Variants in AARS1 observed in about 807,000 individuals in gnomAD.
The protein encoded by AARS1 is alanyl-tRNA synthetase 1.
In AARS1, 72 loss-of-function variants were observed where a neutral mutation model predicts 108.9. The observed-to-expected ratio is 0.66, with a 90% CI of 0.55 to 0.80. The LOEUF is 0.80. AARS1 is among the 30% of genes least tolerant of loss of function. The probability of loss-of-function intolerance (pLI) is 0.00; values close to 1 mark genes in which losing one functional copy is unlikely to be tolerated. For synonymous variants in AARS1, 489 were observed against 465.7 expected (o/e 1.05, Z -0.64); for missense variants, 1,193 against 1,233.2 (o/e 0.97, Z 0.49).
intron 4 of AARS1, among the ~76,000 whole-genome samples, chr16:70,273,474 T>C (rs1036577170): frequency 6.6e-6 from 1 of 152,050 alleles, no homozygotes; most frequent in African/African-American, 2.4e-5. Context: ...TCCCAGCAAT[T>C]TGAAAGGTCA....
rs868720668 is a variant in AARS1, at chr16:70,252,350, C to A, written c.*371G>T. 22 of 355,630 alleles carry A rather than the reference C, an allele frequency of 6.2e-5. 1 individual carries two copies. Among genetic ancestry groups the A allele is most frequent in the Admixed American group, 1.3e-4 (3 of 22,520 alleles). The allele number at this position is 355,630 out of a possible 1,614,324, so 22.0% of individuals were successfully genotyped here. On this transcript the variant is annotated 3_prime_UTR_variant, in exon 21 of 21. Coordinates refer to ENST00000261772, the MANE Select transcript of AARS1 (RefSeq NM_001605.3). ...CGCCAAAGGCTGTCAAAAGAGCCAGCCCCTATTGGGAAGAGGGATAGAGAT... is the reference window on the plus strand; with the variant it reads ...CGCCAAAGGCTGTCAAAAGAGCCAGACCCTATTGGGAAGAGGGATAGAGAT...
At chr16:70,279,874 C>A (rs529695302) in intron 2 of AARS1, among the ~76,000 whole-genome samples, 2 of 151,976 alleles carry the variant, frequency 1.3e-5, no homozygotes, top group East Asian at 1.9e-4. Flanking sequence ...AGGACTCACA[C>A]ATAACTGAAA....
intron 14 of AARS1, 146 bp downstream of exon 14, chr16:70,258,834 C>T (rs1055423178): frequency 1.3e-5 from 12 of 915,432 alleles, no homozygotes; most frequent in African/African-American, 1.1e-4. Context: ...GGATTACAGG[C>T]GTGAGCTACC....
intron 1 of AARS1, 35 bp downstream of exon 1, chr16:70,289,386 T>C (rs1420350308): frequency 2.7e-6 from 1 of 366,902 alleles, no homozygotes; most frequent in Non-Finnish European, 5.4e-6. Context: ...CCAGCCGCTC[T>C]CCTAGCACCG....
chr16:70,279,121 C>G (rs1450232232), intron 2 of AARS1, among the ~76,000 whole-genome samples: 1 of 150,434 alleles, frequency 6.6e-6, no homozygotes, highest in East Asian at 2.0e-4. Context: ...TGGGGCCGAA[C>G]CAGGCAGATC....
At chr16:70,262,571 T>A in intron 11 of AARS1, 47 bp from the exon 12 acceptor site, 2 of 1,552,044 alleles carry the variant, frequency 1.3e-6, no homozygotes, top group Non-Finnish European at 1.8e-6. Flanking sequence ...GTCAATGACC[T>A]TTTCACTCCT....
intron 13 of AARS1, among the ~76,000 whole-genome samples, chr16:70,260,788 G>A (rs1176778673): frequency 2.0e-5 from 3 of 151,896 alleles, no homozygotes; most frequent in Admixed American, 6.6e-5. Context: ...TCAGCCTCCC[G>A]AGTAGCTGGG....
Position 70,265,440 on chromosome 16 carries a change from C to T in AARS1, c.1347+98G>A. On this transcript the variant is annotated intron_variant, in intron 10 of 20. Transcript: ENST00000261772. The stretch of plus-strand genomic sequence containing the variant: ...CACTGATCTAGGGGAAAAAGCACTT[C>T]AAAGACTTTAATGGAAGGAAACTCA... The T allele has an allele frequency of 5.1e-6, 8 of 1,584,154 alleles. No homozygotes were observed. The South Asian group carries it at 8.9e-5, about 18-fold the overall frequency.
chr16:70,274,463 C>A (rs1161709509), intron 4 of AARS1, among the ~76,000 whole-genome samples: 1 of 151,120 alleles, frequency 6.6e-6, no homozygotes, highest in Non-Finnish European at 1.5e-5. Flanking sequence ...CGGTGGCTCA[C>A]ACCTGTAATC....
intron 6 of AARS1, 30 bp downstream of exon 6, chr16:70,270,166 A>G (rs1431131670): frequency 1.9e-6 from 3 of 1,613,860 alleles, no homozygotes; most frequent in Non-Finnish European, 2.5e-6. Flanking sequence ...ACTCCACAGA[A>G]GTTTACAATG....
intron 16 of AARS1, 49 bp downstream of exon 16, chr16:70,255,679 C>A (rs762731675): frequency 1.6e-5 from 24 of 1,534,902 alleles, no homozygotes; most frequent in Middle Eastern, 1.7e-4. Context: ...GCAGACTGGG[C>A]TCCTCTTGCC....
chr16:70,253,472 C>A, intron 19 of AARS1, 91 bp from the exon 20 acceptor site: 2 of 1,155,916 alleles, frequency 1.7e-6, no homozygotes, highest in South Asian at 2.6e-5. Context: ...CTGCCACCCA[C>A]CCCTACCCCT....
chr16:70,282,826 A>G (rs1960737689), intron 1 of AARS1, 42 bp from the exon 2 acceptor site: 4 of 1,587,806 alleles, frequency 2.5e-6, no homozygotes, highest in Non-Finnish European at 3.5e-6. Flanking sequence ...AAGGGAATTG[A>G]AAGTCAAAGT....
chr16:70,255,108 C>G (rs1372976550), intron 16 of AARS1, among the ~76,000 whole-genome samples: 1 of 152,056 alleles, frequency 6.6e-6, no homozygotes, highest in African/African-American at 2.4e-5. Flanking sequence ...GTACATGGAT[C>G]AGCGCTGGGG....
At chr16:70,272,783 G>T (rs1386988045) in intron 4 of AARS1, among the ~76,000 whole-genome samples, 1 of 150,934 alleles carries the variant, frequency 6.6e-6, no homozygotes, top group Non-Finnish European at 1.5e-5. Context: ...TTAGCTGGGG[G>T]GGTGATGCAT....
chr16:70,286,088 A>G (rs1422188593), intron 1 of AARS1, among the ~76,000 whole-genome samples: 1 of 152,246 alleles, frequency 6.6e-6, no homozygotes, highest in African/African-American at 2.4e-5. Flanking sequence ...AGGACTGAAT[A>G]TATTAACTAT....
At chr16:70,254,185 C>T in intron 17 of AARS1, 147 bp from the exon 18 acceptor site, 5 of 1,093,008 alleles carry the variant, frequency 4.6e-6, no homozygotes, top group Admixed American at 1.9e-5. Flanking sequence ...CCTTTAGGAG[C>T]AGCTGTGGCA....
chr16:70,263,717 C>T (rs1318800702), intron 11 of AARS1, among the ~76,000 whole-genome samples: 1 of 152,080 alleles, frequency 6.6e-6, no homozygotes, highest in Non-Finnish European at 1.5e-5. Flanking sequence ...TGACTGCAGC[C>T]TCTCAATCTC....
intron 6 of AARS1, 109 bp downstream of exon 6, chr16:70,270,087 G>T: frequency 6.5e-6 from 9 of 1,377,450 alleles, no homozygotes; most frequent in Non-Finnish European, 9.3e-6. Context: ...ATGGAAATGG[G>T]TACCCTTGGC....
Sources: gnomAD v4.1 joint callset for allele counts (sites outside exome capture counted in the v4.1 genomes callset) on GRCh38, gnomAD v4.1.1 for gene constraint, MANE v1.5 for transcripts, NCBI Gene and HGNC (gene_info 2026-07-23, HGNC 2026-07-21) for gene names.